PTCHD1: variants seen among roughly 807,000 people sequenced by gnomAD.
PTCHD1 encodes the protein patched domain containing 1.
In PTCHD1, 3 loss-of-function variants were observed where a neutral mutation model predicts 34.6. The observed-to-expected ratio is 0.09, with a 90% CI of 0.04 to 0.22. The LOEUF (loss-of-function observed/expected upper bound fraction) is 0.22, where lower values mean the gene tolerates loss of function less well. Among genes scored for constraint, PTCHD1 ranks in the 10% least tolerant of loss-of-function variants. The pLI, the probability that PTCHD1 is intolerant of heterozygous loss-of-function variation, is 1.00. For missense variants in PTCHD1, 504 were observed against 685.5 expected (o/e 0.74, Z 2.96); for synonymous variants, 305 against 283.1 (o/e 1.08, Z -0.77).
At chrX:23,381,137 T>C in intron 2 of PTCHD1, among the ~76,000 whole-genome samples, 1 of 111,503 alleles carries the variant, frequency 9.0e-6, no homozygotes, top group East Asian at 2.8e-4. Context: ...CTTTTTTTCC[T>C]ATTCTTACTA....
At chrX:23,338,390 G>A (rs925190330) in intron 1 of PTCHD1, among the ~76,000 whole-genome samples, 5 of 112,116 alleles carry the variant, frequency 4.5e-5, no homozygotes, top group African/African-American at 1.6e-4. Flanking sequence ...TTATAGATAC[G>A]TTTCGTTGCG....
chrX:23,379,411 G>A (rs1922495071), intron 1 of PTCHD1, among the ~76,000 whole-genome samples, 180 bp from the exon 2 acceptor site: 2 of 111,541 alleles, frequency 1.8e-5, no homozygotes, highest in Middle Eastern at 4.6e-3. Context: ...GCTGTTCTAG[G>A]GGCCACATTG....
chrX:23,361,326 C>T lies in PTCHD1; in HGVS notation c.352-18265C>T, dbSNP rs966403517. Among the ~76,000 whole-genome samples the T allele has an allele frequency of 5.4e-5, 6 of 111,805 alleles. No individual in the cohort carries two copies. The East Asian group carries it at 1.4e-3, about 26-fold the overall frequency. On this transcript the variant is annotated intron_variant, in intron 1 of 2. Coordinates refer to ENST00000379361, the MANE Select transcript of PTCHD1 (RefSeq NM_173495.3). Reference sequence around the variant, plus strand: ...TCTAAGCACTTGCCTTATGAATCTGCGTGCTCCTGTATTGGGTGCATATAT... The same window carrying T: ...TCTAAGCACTTGCCTTATGAATCTGTGTGCTCCTGTATTGGGTGCATATAT...
At chrX:23,375,784 C>T (rs1255526579) in intron 1 of PTCHD1, among the ~76,000 whole-genome samples, 1 of 111,658 alleles carries the variant, frequency 9.0e-6, no homozygotes, top group Non-Finnish European at 1.9e-5. Flanking sequence ...TCACCATTGC[C>T]ACAGAGTCTG....
intron 1 of PTCHD1, among the ~76,000 whole-genome samples, chrX:23,350,099 G>A (rs1229454514): frequency 1.0e-5 from 1 of 96,969 alleles, no homozygotes; most frequent in Non-Finnish European, 2.0e-5. Context: ...AGACCTGTGT[G>A]GCCAAATAAC....
intron 1 of PTCHD1, among the ~76,000 whole-genome samples, chrX:23,353,930 A>T (rs1921725438): frequency 1.8e-5 from 2 of 112,083 alleles, no homozygotes; most frequent in Admixed American, 9.5e-5. Flanking sequence ...AGGCAAAATC[A>T]ACAAGATTTT....
intron 1 of PTCHD1, among the ~76,000 whole-genome samples, chrX:23,346,812 G>C (rs1921489621): frequency 9.0e-6 from 1 of 111,569 alleles, no homozygotes. Context: ...GTCAGAGAGA[G>C]GTGACAGTTG....
intron 2 of PTCHD1, among the ~76,000 whole-genome samples, chrX:23,384,774 A>C (rs2146645500): frequency 8.9e-6 from 1 of 112,224 alleles, no homozygotes; most frequent in South Asian, 3.7e-4. Flanking sequence ...AAAATCAGTC[A>C]GATAATAATA....
chrX:23,402,079 G>C lies in PTCHD1; in HGVS notation c.*7894G>C, dbSNP rs1485493152. ...AGTGGTGAGGAAGAATATATGGGGT[G>C]ATCCCTCCAAATTGCCAACTCCTCG... On this transcript the variant is annotated 3_prime_UTR_variant, in exon 3 of 3. Coordinates refer to ENST00000379361, the MANE Select transcript of PTCHD1 (RefSeq NM_173495.3). 8.9e-6 allele frequency: 1 copy of C among 111,983 alleles called. No individual in the cohort carries two copies. Among genetic ancestry groups the C allele is most frequent in the African/African-American group, 3.2e-5 (1 of 30,782 alleles). The allele number at this position is 111,983 out of a possible 1,213,427, so 9.2% of individuals were successfully genotyped here. A position where few individuals can be genotyped will look rare whatever the true frequency, so the allele number is the denominator to read the frequency against.
At chrX:23,353,611 A>AC (rs1921714502) in intron 1 of PTCHD1, among the ~76,000 whole-genome samples, 1 of 78,408 alleles carries the variant, frequency 1.3e-5, no homozygotes, top group Non-Finnish European at 2.2e-5. Context: ...AAACAAAACA[A>AC]AAAAAAAAAA....
Position 23,403,033 on chromosome X carries a change from T to G in PTCHD1, c.*8848T>G, listed in dbSNP as rs1482956493. 1 of 112,578 alleles carries G rather than the reference T, an allele frequency of 8.9e-6. No homozygotes were observed. The highest frequency in any genetic ancestry group is 3.2e-5 in the African/African-American group (1 of 31,037). 9.3% of individuals were successfully genotyped at this position (112,578 alleles called of 1,213,427 possible). A position where few individuals can be genotyped will look rare whatever the true frequency, so the allele number is the denominator to read the frequency against. Reference sequence around the variant, plus strand: ...CCTAGACATAAAATAGTTTAAACATTTAAACATGGCCCCTCTCTTATTGTC... The same window carrying G: ...CCTAGACATAAAATAGTTTAAACATGTAAACATGGCCCCTCTCTTATTGTC... On this transcript the variant is annotated 3_prime_UTR_variant, in exon 3 of 3. Transcript: ENST00000379361.
At chrX:23,376,051 C>T (rs1467145034) in intron 1 of PTCHD1, among the ~76,000 whole-genome samples, 1 of 111,883 alleles carries the variant, frequency 8.9e-6, no homozygotes, top group Non-Finnish European at 1.9e-5. Flanking sequence ...GCGTTGTTTA[C>T]TGTTAGGAGT....
At chrX:23,376,176 C>T (rs191709455) in intron 1 of PTCHD1, among the ~76,000 whole-genome samples, 184 of 112,142 alleles carry the variant, frequency 1.6e-3, no homozygotes, top group African/African-American at 5.8e-3. Context: ...TGATGAGTAC[C>T]TGTTGAATGT....
intron 1 of PTCHD1, among the ~76,000 whole-genome samples, chrX:23,358,949 G>C (rs1323287562): frequency 8.9e-6 from 1 of 112,173 alleles, no homozygotes; most frequent in East Asian, 2.8e-4. Flanking sequence ...TCAAAGATCA[G>C]ATGGTTGTAG....
intron 1 of PTCHD1, among the ~76,000 whole-genome samples, chrX:23,361,944 A>G (rs1921997331): frequency 8.9e-6 from 1 of 112,211 alleles, no homozygotes; most frequent in South Asian, 3.7e-4. Context: ...TCTGGGTTGG[A>G]AATTCTCTTG....
chrX:23,365,802 T>C (rs1234139946), intron 1 of PTCHD1, among the ~76,000 whole-genome samples: 1 of 112,099 alleles, frequency 8.9e-6, no homozygotes, highest in African/African-American at 3.2e-5. Flanking sequence ...GCAGGTGTGC[T>C]CTCAAGAGAT....
At chrX:23,338,143 C>A (rs1921219776) in intron 1 of PTCHD1, among the ~76,000 whole-genome samples, 1 of 111,694 alleles carries the variant, frequency 9.0e-6, no homozygotes, top group South Asian at 3.8e-4. Flanking sequence ...ATGACTCCCC[C>A]CAGCGTTGGT....
intron 2 of PTCHD1, among the ~76,000 whole-genome samples, chrX:23,380,678 G>C (rs1220722631): frequency 2.7e-5 from 3 of 111,667 alleles, no homozygotes; most frequent in Non-Finnish European, 5.6e-5. Context: ...GCAGTTGAAG[G>C]TATGTTAATG....
At position 23,392,903 on chromosome X, in the gene PTCHD1, C is replaced by T. The variant is rs1601918109; in HGVS notation, c.1385C>T (p.Thr462Met). 3 of 1,211,943 alleles carry T rather than the reference C, an allele frequency of 2.5e-6. No homozygotes were observed. Among genetic ancestry groups the T allele is most frequent in the Non-Finnish European group, 3.4e-6 (3 of 895,466 alleles). ...CCGGCATGGTACAGGTTTCTCCTGA[C>T]GGCCAGATTCAGTGAGGACACAGCT... is the stretch of plus-strand genomic sequence containing the variant. ...EKPAWYRFLLTARFSEDTAEG... is the reference protein window; with the variant it reads ...EKPAWYRFLLMARFSEDTAEG... The change falls in exon 3 of 3, where the codon ACG becomes ATG. Residue 462 changes from threonine to methionine, a missense_variant. By Grantham distance (81) the Thr-to-Met change is moderately conservative. Coordinates refer to ENST00000379361, the MANE Select transcript of PTCHD1 (RefSeq NM_173495.3).
Sources: gnomAD v4.1 joint callset for allele counts (sites outside exome capture counted in the v4.1 genomes callset) on GRCh38, gnomAD v4.1.1 for gene constraint, MANE v1.5 for transcripts, NCBI Gene and HGNC (gene_info 2026-07-23, HGNC 2026-07-21) for gene names.